Variants in DTNB observed in about 807,000 individuals in gnomAD.
DTNB encodes the protein dystrobrevin beta.
In DTNB, 63 loss-of-function variants were observed where a neutral mutation model predicts 90.7. That is an observed-to-expected ratio of 0.69 (90% CI 0.57 to 0.86). The LOEUF is 0.86. DTNB is among the 40% of genes least tolerant of loss of function. The pLI is 0.00. For synonymous variants in DTNB, 277 were observed against 286.7 expected (o/e 0.97, Z 0.34); for missense variants, 744 against 807.1 (o/e 0.92, Z 0.95).
rs879648864 is a variant in DTNB at position 25,447,671 on chromosome 2, A to AT, written c.1257+3876dup. 2.3e-3 allele frequency among the ~76,000 whole-genome samples: 349 copies of AT among 150,100 alleles called. 1 individual carries two copies. Among genetic ancestry groups the AT allele is most frequent in the Middle Eastern group, 0.014 (4 of 288 alleles). ...AGGCGTATGCCACCACACCTGGCTA[A>AT]TTTTTTTTTGTATTTTTAGTAGAGA... On this transcript the variant is annotated intron_variant, in intron 12 of 20. Transcript: ENST00000406818.
rs1301346571 is a variant in DTNB, at chr2:25,427,523, A to G, written c.1554+12T>C. ...GAATGACAAGAACTGAGCGTGGGCC[A>G]CGGGCTCTTACCTTCAGCAACTTCA... On this transcript the variant is annotated intron_variant, in intron 15 of 20. Coordinates refer to ENST00000406818, the MANE Select transcript of DTNB (RefSeq NM_021907.5). The G allele has an allele frequency of 6.2e-7, 1 of 1,613,396 alleles. No individual in the cohort carries two copies. The highest frequency in any genetic ancestry group is 8.5e-7 in the Non-Finnish European group (1 of 1,179,562).
intron 15 of DTNB, among the ~76,000 whole-genome samples, chr2:25,422,773 T>G (rs753230105): frequency 8.5e-5 from 13 of 152,146 alleles, no homozygotes; most frequent in African/African-American, 3.1e-4. Flanking sequence ...CACCAACACA[T>G]AAACACTTCT....
intron 10 of DTNB, among the ~76,000 whole-genome samples, chr2:25,464,645 A>G (rs989461229): frequency 6.6e-6 from 1 of 152,206 alleles, no homozygotes; most frequent in Non-Finnish European, 1.5e-5. Context: ...ACAGAGTAGG[A>G]AAAGAGTGAG....
chr2:25,526,395 A>ATATATATATTTTTTTTTTTT, intron 9 of DTNB, among the ~76,000 whole-genome samples: 1 of 49,856 alleles, frequency 2.0e-5, no homozygotes, highest in African/African-American at 9.8e-5. Context: ...ATATATATAT[A>ATATATATATTTTTTTTTTTT]TTTTTTTTTT....
At chr2:25,617,204 A>G (rs374913464) in intron 4 of DTNB, among the ~76,000 whole-genome samples, 5 of 152,188 alleles carry the variant, frequency 3.3e-5, no homozygotes, top group South Asian at 2.1e-4. Context: ...GATATGCACC[A>G]AAGTGTCAAT....
At chr2:25,457,953 C>T (rs1439762425) in intron 10 of DTNB, among the ~76,000 whole-genome samples, 5 of 152,004 alleles carry the variant, frequency 3.3e-5, no homozygotes, top group Non-Finnish European at 7.4e-5. Context: ...CCTGCCTCAG[C>T]CTCCCAAGTA....
At chr2:25,536,688 G>A (rs1200356398) in intron 8 of DTNB, among the ~76,000 whole-genome samples, 3 of 152,200 alleles carry the variant, frequency 2.0e-5, no homozygotes, top group African/African-American at 4.8e-5. Flanking sequence ...CGCAAGAGAG[G>A]GAGACGGTAG....
At chr2:25,663,551 A>C (rs1029152864) in intron 1 of DTNB, among the ~76,000 whole-genome samples, 36 of 152,294 alleles carry the variant, frequency 2.4e-4, no homozygotes, top group African/African-American at 8.4e-4. Context: ...ATTTCTTTAT[A>C]ACATTTTAGA....
rs1272551820 is a variant in DTNB, at chr2:25,424,374, C to T, written c.1554+3161G>A. ...GGGATCAGAGTTGCGGGCATTAGCT[C>T]GTTCTGCTTAGCCCTTGAATACAAG... On this transcript the variant is annotated intron_variant, in intron 15 of 20. Transcript: ENST00000406818. The surrounding 1 kb of genome is among the most constrained non-coding windows in gnomAD (Gnocchi z 4.1). Among the ~76,000 whole-genome samples the T allele has an allele frequency of 1.3e-5, 2 of 152,120 alleles. No individual in the cohort carries two copies. Among genetic ancestry groups the T allele is most frequent in the Non-Finnish European group, 2.9e-5 (2 of 68,014 alleles).
At chr2:25,393,287 GA>G (rs2041639169) in intron 16 of DTNB, among the ~76,000 whole-genome samples, 1 of 152,154 alleles carries the variant, frequency 6.6e-6, no homozygotes, top group African/African-American at 2.4e-5. Context: ...ACTGAACAGG[GA>G]AAAGTTGAGA....
At chr2:25,577,886 G>C (rs968793737) in intron 7 of DTNB, among the ~76,000 whole-genome samples, 3 of 152,208 alleles carry the variant, frequency 2.0e-5, no homozygotes, top group African/African-American at 7.2e-5. Flanking sequence ...TGTAATCCCA[G>C]CTACTTGGGA....
At chr2:25,615,389 G>C (rs988306002) in intron 4 of DTNB, among the ~76,000 whole-genome samples, 1 of 152,062 alleles carries the variant, frequency 6.6e-6, no homozygotes, top group African/African-American at 2.4e-5. Context: ...TTCCTTCTTG[G>C]AGGTTAAGGA....
intron 16 of DTNB, among the ~76,000 whole-genome samples, chr2:25,397,402 G>A (rs1374209303): frequency 2.0e-5 from 3 of 150,970 alleles, no homozygotes; most frequent in Non-Finnish European, 4.4e-5. Flanking sequence ...ACAGAAGCCA[G>A]TCACAGAAGA....
chr2:25,391,654 A>G (rs998515862), intron 16 of DTNB, among the ~76,000 whole-genome samples: 1 of 152,226 alleles, frequency 6.6e-6, no homozygotes, highest in Non-Finnish European at 1.5e-5. Flanking sequence ...AGAAATGTAA[A>G]ATGGCCATAG....
intron 16 of DTNB, among the ~76,000 whole-genome samples, chr2:25,396,374 G>A (rs2042351815): frequency 6.6e-6 from 1 of 152,102 alleles, no homozygotes. Flanking sequence ...AGCCAGATGT[G>A]GTGGTTCATG....
At chr2:25,461,331 T>C (rs1192003701) in intron 10 of DTNB, among the ~76,000 whole-genome samples, 1 of 152,224 alleles carries the variant, frequency 6.6e-6, no homozygotes, top group African/African-American at 2.4e-5. Context: ...ATAATTTTGT[T>C]TGGGGTGTGG....
intron 9 of DTNB, among the ~76,000 whole-genome samples, chr2:25,501,397 T>G (rs2070665979): frequency 6.6e-6 from 1 of 152,166 alleles, no homozygotes; most frequent in African/African-American, 2.4e-5. Flanking sequence ...TTTGTTTGTT[T>G]GAGATGGAGA....
chr2:25,451,609 T>A lies in DTNB; in HGVS notation c.1196A>T (p.Asp399Val). The change falls in exon 12 of 21, where the codon GAT becomes GTT. Residue 399 changes from aspartate (D) to valine (V), a missense_variant. Transcript: ENST00000406818. ...GCGAGCTATAAGACGGTGTTCCTCATCCAGTCGGCTAGGACTGTCCAGAAC... is the reference window on the plus strand; with the variant it reads ...GCGAGCTATAAGACGGTGTTCCTCAACCAGTCGGCTAGGACTGTCCAGAAC... ...ARVLDSPSRL[D>V]EEHRLIARYA... 6.2e-7 allele frequency: 1 copy of A among 1,604,854 alleles called. No individual in the cohort carries two copies. The highest frequency in any genetic ancestry group is 8.5e-7 in the Non-Finnish European group (1 of 1,175,570).
chr2:25,420,262 CTTTTT>C (rs56815083), intron 15 of DTNB, among the ~76,000 whole-genome samples: 1 of 63,880 alleles, frequency 1.6e-5, no homozygotes, highest in Non-Finnish European at 3.4e-5. Flanking sequence ...CAGGCACAGT[CTTTTT>C]TTTTTTTTTT....
Sources: gnomAD v4.1 joint callset for allele counts (sites outside exome capture counted in the v4.1 genomes callset) on GRCh38, gnomAD v4.1.1 for gene constraint, Gnocchi (gnomAD v3.1) non-coding constraint, MANE v1.5 for transcripts, NCBI Gene and HGNC (gene_info 2026-07-23, HGNC 2026-07-21) for gene names.